The following BNC2 variants were observed in gnomAD, a reference collection of about 807,000 sequenced individuals.
BNC2 encodes basonuclin zinc finger protein 2, also known as zinc finger protein basonuclin-2.
In BNC2, 20 loss-of-function variants were observed where a neutral mutation model predicts 76.3. That is an observed-to-expected ratio of 0.26 (90% CI 0.18 to 0.38). The LOEUF (loss-of-function observed/expected upper bound fraction) is 0.38. Among genes scored for constraint, BNC2 ranks in the 10% least tolerant of loss-of-function variants. BNC2 has a pLI of 1.00. For missense variants in BNC2, 1,382 were observed against 1,399.8 expected (o/e 0.99, Z 0.20); for synonymous variants, 582 against 514.8 (o/e 1.13, Z -1.77).
At chr9:16,857,058 A>AT (rs1563973691) in intron 1 of BNC2, among the ~76,000 whole-genome samples, 1 of 152,262 alleles carries the variant, frequency 6.6e-6, no homozygotes, top group African/African-American at 2.4e-5. Flanking sequence ...AAAATACATC[A>AT]TAAAAAATAG....
In BNC2 at chr9:16,583,635, C is replaced by T. The variant is rs918408379; in HGVS notation, c.331-550G>A. 2.0e-5 allele frequency among the ~76,000 whole-genome samples: 3 copies of T among 152,070 alleles called. No homozygotes were observed. In the South Asian group the frequency reaches 6.2e-4, roughly 31 times the overall value. ...GTGCTCAATAAGACCTAACATATTT[C>T]TATTATTATTTAATCACATCCCAAT... On this transcript the variant is annotated intron_variant, in intron 3 of 6. Coordinates refer to ENST00000380672, the MANE Select transcript of BNC2 (RefSeq NM_017637.6).
intron 5 of BNC2, among the ~76,000 whole-genome samples, chr9:16,449,521 CTG>C (rs974885486): frequency 2.0e-5 from 3 of 152,114 alleles, no homozygotes; most frequent in Non-Finnish European, 4.4e-5. Flanking sequence ...AGGCAGGGTT[CTG>C]CTCTGTGTAT....
chr9:16,736,401 A>G (rs1383837942), intron 2 of BNC2, among the ~76,000 whole-genome samples: 1 of 150,724 alleles, frequency 6.6e-6, no homozygotes, highest in Non-Finnish European at 1.5e-5. Flanking sequence ...ATAAAATCCC[A>G]GTATACTTAA....
chr9:16,648,096 A>G (rs1246317642), intron 3 of BNC2, among the ~76,000 whole-genome samples: 2 of 152,290 alleles, frequency 1.3e-5, no homozygotes, highest in Non-Finnish European at 2.9e-5. Context: ...TGTGTTTAAA[A>G]AAAGACATAT....
chr9:16,596,121 T>C (rs1227955668), intron 3 of BNC2, among the ~76,000 whole-genome samples: 2 of 152,142 alleles, frequency 1.3e-5, no homozygotes, highest in Non-Finnish European at 2.9e-5. Context: ...AATTTTCATA[T>C]GGTGCCTTTC....
At chr9:16,710,007 C>G (rs926252641) in intron 3 of BNC2, among the ~76,000 whole-genome samples, 2 of 152,090 alleles carry the variant, frequency 1.3e-5, no homozygotes, top group Non-Finnish European at 2.9e-5. Context: ...TTCTTATTTG[C>G]TACATGTACA....
intron 3 of BNC2, among the ~76,000 whole-genome samples, chr9:16,720,256 G>A (rs150533812): frequency 8.2e-4 from 125 of 152,302 alleles, no homozygotes; most frequent in South Asian, 4.1e-3. Flanking sequence ...TTACTGCTAC[G>A]TTTCAGGTGC....
At chr9:16,825,313 TCAGTA>T (rs892981053) in intron 1 of BNC2, among the ~76,000 whole-genome samples, 4 of 152,196 alleles carry the variant, frequency 2.6e-5, no homozygotes, top group Non-Finnish European at 5.9e-5. Context: ...AAAATTTATT[TCAGTA>T]CAGTAGAGTT....
At position 16,652,883 on chromosome 9, in the gene BNC2, C is replaced by G. The variant is rs184195315; in HGVS notation, c.331-69798G>C. ...ACCTTCTACTTGGAGGCAAGCATTT[C>G]TGGCAAACCGAAGTCTTGACACACC... On this transcript the variant is annotated intron_variant, in intron 3 of 6. Transcript: ENST00000380672. 3.6e-3 allele frequency among the ~76,000 whole-genome samples: 552 copies of G among 152,254 alleles called. 4 individuals carry two copies. The highest frequency in any genetic ancestry group is 0.012 in the African/African-American group (515 of 41,548).
chr9:16,781,206 C>CA (rs916513103), intron 1 of BNC2, among the ~76,000 whole-genome samples: 17 of 96,226 alleles, frequency 1.8e-4, no homozygotes, highest in African/African-American at 5.6e-4. Flanking sequence ...TGAACAGATA[C>CA]AAAAAAGATT....
rs555484846 is a variant in BNC2 at position 16,410,206 on chromosome 9, C to T, written c.*8783G>A. ...GGCTTTCCCAGATCCCCAACCAGCC[C>T]CTTCCCCTCACCTTTGGGGAGGCAG... On this transcript the variant is annotated 3_prime_UTR_variant, in exon 7 of 7. Transcript: ENST00000380672. 3.3e-5 allele frequency: 5 copies of T among 152,346 alleles called. No individual in the cohort carries two copies. In the East Asian group the frequency reaches 9.7e-4, roughly 29 times the overall value. The allele number at this position is 152,346 out of a possible 1,614,324, so 9.4% of individuals were successfully genotyped here.
intron 1 of BNC2, 101 bp downstream of exon 1, chr9:16,870,545 G>T: frequency 7.2e-7 from 1 of 1,397,630 alleles, no homozygotes; most frequent in South Asian, 1.3e-5. Flanking sequence ...GCGGGCCGGA[G>T]GGCGGACACG....
intron 1 of BNC2, among the ~76,000 whole-genome samples, chr9:16,850,364 A>G (rs1290867143): frequency 1.3e-5 from 2 of 152,208 alleles, no homozygotes; most frequent in East Asian, 3.8e-4. Flanking sequence ...TATGATACCA[A>G]TTCTTATATA....
At chr9:16,486,787 G>A (rs1210608512) in intron 5 of BNC2, among the ~76,000 whole-genome samples, 1 of 152,044 alleles carries the variant, frequency 6.6e-6, no homozygotes, top group African/African-American at 2.4e-5. Flanking sequence ...GTGCAGTGGT[G>A]GGATCACAGC....
chr9:16,858,870 A>G (rs1419264712), intron 1 of BNC2, among the ~76,000 whole-genome samples: 1 of 152,052 alleles, frequency 6.6e-6, no homozygotes, highest in Non-Finnish European at 1.5e-5. Context: ...AAAAGAAAAA[A>G]GAAACTTCTG....
chr9:16,755,379 G>T lies in BNC2; in HGVS notation c.4-16894C>A, dbSNP rs140195319. Among the ~76,000 whole-genome samples, 31 of 152,252 alleles carry T rather than the reference G, an allele frequency of 2.0e-4. No homozygotes were observed. The South Asian group carries it at 2.9e-3, about 14-fold the overall frequency. On this transcript the variant is annotated intron_variant, in intron 1 of 6. Coordinates refer to ENST00000380672, the MANE Select transcript of BNC2 (RefSeq NM_017637.6). ...GAACATACCCTATTAACAGAAAAGG[G>T]CAGGAGTCTAGATTACAAGAGTAGG...
In BNC2 at chr9:16,533,391, T is replaced by C. The variant is rs1818041954; in HGVS notation, c.669+19139A>G. Reference sequence around the variant, plus strand: ...ATTCTAGCCATTACAAATCTGTGTGTTGTTGAAAACTGTCATTTGATCTAT... The same window carrying C: ...ATTCTAGCCATTACAAATCTGTGTGCTGTTGAAAACTGTCATTTGATCTAT... On this transcript the variant is annotated intron_variant, in intron 5 of 6. Transcript: ENST00000380672. Among the ~76,000 whole-genome samples the C allele has an allele frequency of 2.0e-5, 3 of 152,322 alleles. No homozygotes were observed. In the South Asian group the frequency reaches 6.2e-4, roughly 32 times the overall value.
chr9:16,591,946 G>C (rs1342638273), intron 3 of BNC2, among the ~76,000 whole-genome samples: 1 of 151,988 alleles, frequency 6.6e-6, no homozygotes, highest in Non-Finnish European at 1.5e-5. Flanking sequence ...AAATTTCTTG[G>C]TGTCTTCTCA....
In BNC2 at chr9:16,454,293, A is replaced by G. The variant is rs111819222; in HGVS notation, c.670-16769T>C. On this transcript the variant is annotated intron_variant, in intron 5 of 6. Transcript: ENST00000380672. ...GGATGGTACTAAAACCATCACATTT[A>G]TAATACAATTATTATTTTTTAATTT... Among the ~76,000 whole-genome samples, 738 of 152,248 alleles carry G rather than the reference A, an allele frequency of 4.8e-3. 6 individuals carry two copies. Among genetic ancestry groups the G allele is most frequent in the African/African-American group, 0.017 (696 of 41,542 alleles).
Sources: gnomAD v4.1 joint callset for allele counts (sites outside exome capture counted in the v4.1 genomes callset) on GRCh38, gnomAD v4.1.1 for gene constraint, MANE v1.5 for transcripts, NCBI Gene and HGNC (gene_info 2026-07-23, HGNC 2026-07-21) for gene names.